Variants in UNC79 observed in about 807,000 individuals in gnomAD.
UNC79 encodes the protein unc-79 subunit of NALCN channel complex, also known as protein unc-79 homolog.
Under a neutral mutation model 283.1 loss-of-function variants are expected in UNC79, and 37 were observed. The ratio of observed to expected loss-of-function variants is 0.13; its 90% CI spans 0.10 to 0.17. The LOEUF is 0.17. Ranked by LOEUF, UNC79 falls within the 10% of genes least tolerant of loss-of-function variation. UNC79 has a pLI of 1.00. For missense variants in UNC79, 2,272 were observed against 3,211.1 expected (o/e 0.71, Z 7.07); for synonymous variants, 1,107 against 1,200.2 (o/e 0.92, Z 1.61).
rs575663600 is a variant in UNC79 at position 93,607,693 on chromosome 14, G to A, written c.3754+4275G>A. ...GCTATCCCCATCTCTCGTGGGACTCGCGTACTCCAAGTTCTGCCTCAGCCT... is the reference window on the plus strand; with the variant it reads ...GCTATCCCCATCTCTCGTGGGACTCACGTACTCCAAGTTCTGCCTCAGCCT... On this transcript the variant is annotated intron_variant, in intron 26 of 48. Transcript: ENST00000555664. 3.8e-4 allele frequency among the ~76,000 whole-genome samples: 58 copies of A among 152,264 alleles called. No individual in the cohort carries two copies. In the South Asian group the frequency reaches 0.011, roughly 29 times the overall value.
At chr14:93,593,122 C>T (rs76304748) in intron 22 of UNC79, among the ~76,000 whole-genome samples, 2,871 of 152,300 alleles carry the variant, frequency 0.019, 91 homozygotes, top group African/African-American at 0.066. Flanking sequence ...TTGGGTCATA[C>T]GCCTTCTCCT....
chr14:93,521,795 G>A (rs1225188611), intron 7 of UNC79, among the ~76,000 whole-genome samples: 2 of 146,728 alleles, frequency 1.4e-5, no homozygotes, highest in Non-Finnish European at 3.0e-5. Flanking sequence ...TGGTGATCTA[G>A]TATGACTATA....
chr14:93,615,376 C>T (rs1470461253), intron 27 of UNC79, among the ~76,000 whole-genome samples: 1 of 152,080 alleles, frequency 6.6e-6, no homozygotes, highest in East Asian at 1.9e-4. Flanking sequence ...AGCCTCCCTC[C>T]CTCTTCTCCC....
intron 1 of UNC79, among the ~76,000 whole-genome samples, chr14:93,451,010 G>GT (rs1272280368): frequency 6.6e-6 from 1 of 151,662 alleles, no homozygotes; most frequent in Non-Finnish European, 1.5e-5. Context: ...CTGGGATTAT[G>GT]TTTTTTATCT....
intron 7 of UNC79, among the ~76,000 whole-genome samples, chr14:93,516,280 T>C (rs2060048428): frequency 1.3e-5 from 2 of 152,058 alleles, no homozygotes; most frequent in Admixed American, 6.6e-5. Flanking sequence ...CTAGATTTGC[T>C]CTTTTAAAAA....
rs748915571 is a variant in UNC79 at position 93,673,487 on chromosome 14, A to G, written c.6741+32A>G. 5 of 1,586,312 alleles carry G rather than the reference A, an allele frequency of 3.2e-6. No homozygotes were observed. The South Asian group carries it at 4.5e-5, about 14-fold the overall frequency. ...TCATGCTTGATTTGTAAAACTTTTC[A>G]TGAGATCCATGTATGTTTGGGAAAA... is the stretch of plus-strand genomic sequence containing the variant. On this transcript the variant is annotated intron_variant, in intron 41 of 48. Transcript: ENST00000555664.
chr14:93,681,862 C>T (rs993287914), intron 41 of UNC79, among the ~76,000 whole-genome samples: 1 of 152,218 alleles, frequency 6.6e-6, no homozygotes, highest in African/African-American at 2.4e-5. Flanking sequence ...TGAAATCTGG[C>T]AAATCCATTC....
intron 7 of UNC79, among the ~76,000 whole-genome samples, chr14:93,506,882 G>GA (rs986433619): frequency 6.6e-6 from 1 of 152,176 alleles, no homozygotes; most frequent in Admixed American, 6.5e-5. Context: ...CATCAACCCA[G>GA]AAAATAATGG....
At chr14:93,701,521 G>A (rs2075528524) in intron 47 of UNC79, among the ~76,000 whole-genome samples, 1 of 151,980 alleles carries the variant, frequency 6.6e-6, no homozygotes, top group Admixed American at 6.6e-5. Context: ...CAGTTTTCAG[G>A]ATATTGTTTC....
intron 1 of UNC79, among the ~76,000 whole-genome samples, chr14:93,431,514 CAGTTTCCACTTCGGGTGGAAGAGGCA>C (rs2055878117): frequency 6.6e-6 from 1 of 151,826 alleles, no homozygotes; most frequent in African/African-American, 2.4e-5. Context: ...TTTGAGTCTG[CAGTTTCCACTTCGGGTGGAAGAGGCA>C]AGAAGGGAGA....
At position 93,532,596 on chromosome 14, in the gene UNC79, G is replaced by T; in HGVS notation, c.1122+18G>T. On this transcript the variant is annotated intron_variant, in intron 11 of 48. Coordinates refer to ENST00000555664, the Ensembl canonical transcript of UNC79. ...AGAAAAAGGTAAGAGCAAACCATTT[G>T]TGTCGTTGGGGCATGATTTATTGTG... The T allele has an allele frequency of 6.2e-7, 1 of 1,609,958 alleles. No homozygotes were observed.
At chr14:93,625,206 C>G (rs2067469941) in intron 30 of UNC79, among the ~76,000 whole-genome samples, 2 of 152,204 alleles carry the variant, frequency 1.3e-5, no homozygotes, top group Admixed American at 6.5e-5. Context: ...GCCCATGTCA[C>G]TGGACTTGGC....
At chr14:93,365,383 TCAAA>T (rs1356019279) in intron 1 of UNC79, among the ~76,000 whole-genome samples, 6 of 27,582 alleles carry the variant, frequency 2.2e-4, no homozygotes, top group Non-Finnish European at 1.4e-4. Flanking sequence ...ATACTCCATC[TCAAA>T]AAAAAAAAAA....
At chr14:93,606,959 T>G (rs1399734379) in intron 26 of UNC79, among the ~76,000 whole-genome samples, 1 of 152,202 alleles carries the variant, frequency 6.6e-6, no homozygotes, top group Non-Finnish European at 1.5e-5. Context: ...AGAACAAGCT[T>G]GTTGGTGACT....
intron 11 of UNC79, 73 bp downstream of exon 11, chr14:93,532,651 G>T (rs1374333133): frequency 6.3e-7 from 1 of 1,583,404 alleles, no homozygotes; most frequent in Non-Finnish European, 8.6e-7. Context: ...ATTGACATCT[G>T]CCTCATTTCT....
chr14:93,485,235 C>CGT (rs35445070), intron 4 of UNC79, among the ~76,000 whole-genome samples: 1,533 of 145,042 alleles, frequency 0.011, 3 homozygotes, highest in Non-Finnish European at 0.015. Flanking sequence ...TATATATATA[C>CGT]GTGTGTGTGT....
At chr14:93,544,097 A>G (rs1031632185) in intron 14 of UNC79, among the ~76,000 whole-genome samples, 9 of 152,234 alleles carry the variant, frequency 5.9e-5, no homozygotes, top group African/African-American at 1.9e-4. Flanking sequence ...TTGATGTGAC[A>G]TGCTTCTGGA....
In UNC79 at chr14:93,688,282, G is replaced by A. The variant is rs142197054; in HGVS notation, c.6910-383G>A. Among the ~76,000 whole-genome samples, 342 of 152,282 alleles carry A rather than the reference G, an allele frequency of 2.2e-3. No individual in the cohort carries two copies. The highest frequency in any genetic ancestry group is 7.7e-3 in the African/African-American group (320 of 41,570). The stretch of plus-strand genomic sequence containing the variant: ...ATGAAAAAGAGGCAGAAGGCAGCAC[G>A]GACCTGGCCGGGGAGGTCAGGGAAG... On this transcript the variant is annotated intron_variant, in intron 43 of 48. Transcript: ENST00000555664. This position sits in a 1 kb window ranked among gnomAD's most constrained non-coding sequence, Gnocchi z 4.0.
intron 26 of UNC79, among the ~76,000 whole-genome samples, chr14:93,607,823 T>G (rs1596050506): frequency 6.6e-6 from 1 of 152,184 alleles, no homozygotes; most frequent in East Asian, 1.9e-4. Flanking sequence ...CTTTCCTGTC[T>G]CCTTAGTGTC....
Sources: allele counts gnomAD v4.1 joint callset (sites outside exome capture counted in the v4.1 genomes callset), GRCh38; gene constraint gnomAD v4.1.1; non-coding constraint Gnocchi (gnomAD v3.1); transcripts MANE v1.5; gene names NCBI Gene and HGNC (gene_info 2026-07-23, HGNC 2026-07-21).